Variants in ATP9A observed in about 807,000 individuals in gnomAD.
ATP9A encodes the protein probable phospholipid-transporting ATPase IIA.
A neutral mutation model predicts 144.1 loss-of-function variants in ATP9A; 52 were observed. That is an observed-to-expected ratio of 0.36 (90% CI 0.29 to 0.45). The LOEUF is 0.45. ATP9A is among the 20% of genes least tolerant of loss of function. ATP9A has a pLI of 1.00. For missense variants in ATP9A, 947 were observed against 1,392.7 expected, an observed-to-expected ratio of 0.68 and a Z score of 5.09; for synonymous variants, 582 against 557.4, an observed-to-expected ratio of 1.04 and a Z score of -0.62.
chr20:51,739,070 CAG>C (rs1438930581), intron 1 of ATP9A, among the ~76,000 whole-genome samples: 1 of 152,160 alleles, frequency 6.6e-6, no homozygotes, highest in Non-Finnish European at 1.5e-5. Flanking sequence ...CCCTGGGTGA[CAG>C]AGCAACACTC....
intron 13 of ATP9A, among the ~76,000 whole-genome samples, chr20:51,662,428 C>A (rs892364287): frequency 2.6e-5 from 4 of 151,704 alleles, no homozygotes; most frequent in South Asian, 4.2e-4. Context: ...GCCTGTAATC[C>A]CAGCTACTCG....
intron 1 of ATP9A, among the ~76,000 whole-genome samples, chr20:51,741,670 A>G (rs1035946724): frequency 3.3e-5 from 5 of 152,348 alleles, no homozygotes; most frequent in African/African-American, 1.2e-4. Context: ...CCATTTTCAT[A>G]CACACATGGG....
intron 3 of ATP9A, among the ~76,000 whole-genome samples, chr20:51,715,432 T>C (rs533604646): frequency 6.6e-6 from 1 of 152,296 alleles, no homozygotes; most frequent in Admixed American, 6.5e-5. Context: ...TGCTGCTATT[T>C]TGTTGTTCTG....
Position 51,619,001 on chromosome 20 carries a change from G to A in ATP9A, c.2158C>T (p.Arg720Cys), listed in dbSNP as rs780469945. ...ACCAGGGCACAATCATGCTTCCTGC[G>A]GAAGGCGTTCAGCTCGAGGTGAGCC... The part of the protein sequence containing the change: ...GEAHLELNAF[R>C]RKHDCALVIS... Residue 720 changes from arginine (R) to cysteine (C), a missense_variant, in exon 20 of 28, where the codon CGC becomes TGC. Around this residue, in one of 2 missense-constraint regions of ATP9A, gnomAD observed 770 missense variants for 1,047.9 expected, o/e 0.73. Transcript: ENST00000338821. The A allele has an allele frequency of 1.4e-5, 23 of 1,614,010 alleles. No individual in the cohort carries two copies. Among genetic ancestry groups the A allele is most frequent in the African/African-American group, 8.0e-5 (6 of 74,906 alleles).
chr20:51,644,116 C>T (rs1432885402), intron 14 of ATP9A, among the ~76,000 whole-genome samples: 1 of 151,756 alleles, frequency 6.6e-6, no homozygotes, highest in African/African-American at 2.4e-5. Flanking sequence ...GCCTGAGCAA[C>T]AGAACAAGAC....
At chr20:51,635,917 T>C (rs929178004) in intron 15 of ATP9A, among the ~76,000 whole-genome samples, 2 of 150,558 alleles carry the variant, frequency 1.3e-5, no homozygotes, top group Non-Finnish European at 1.5e-5. Flanking sequence ...GGAACTTCCT[T>C]ACTCCAGGGA....
intron 8 of ATP9A, among the ~76,000 whole-genome samples, chr20:51,690,249 T>G (rs2122817327): frequency 6.7e-6 from 1 of 149,082 alleles, no homozygotes; most frequent in East Asian, 2.0e-4. Context: ...TGAAAACCCG[T>G]CTCTACTAAA....
chr20:51,735,549 G>A (rs756673070), intron 1 of ATP9A, among the ~76,000 whole-genome samples: 1 of 152,144 alleles, frequency 6.6e-6, no homozygotes, highest in Non-Finnish European at 1.5e-5. Flanking sequence ...TACTATTCTA[G>A]GTCCTCTGGG....
In ATP9A at chr20:51,713,007, T is replaced by C; in HGVS notation, c.395A>G (p.Lys132Arg). ...GCTGTAGACCTGGGAGTTGACTTCCTTGTCCCGCACGTAGCATCGGATCTC... is the reference window on the plus strand; with the variant it reads ...GCTGTAGACCTGGGAGTTGACTTCCCTGTCCCGCACGTAGCATCGGATCTC... ...VEEIRCYVRDKEVNSQVYSRL... is the reference protein window; with the variant it reads ...VEEIRCYVRDREVNSQVYSRL... Residue 132 changes from lysine to arginine, a missense_variant, in exon 4 of 28, where the codon AAG becomes AGG. Lys to Arg is a conservative substitution (Grantham distance 26). Transcript: ENST00000338821. 2 of 1,613,212 alleles carry C rather than the reference T, an allele frequency of 1.2e-6. No homozygotes were observed. Among genetic ancestry groups the C allele is most frequent in the Non-Finnish European group, 1.7e-6 (2 of 1,179,632 alleles).
At chr20:51,650,656 G>C (rs1171291515) in intron 14 of ATP9A, among the ~76,000 whole-genome samples, 1 of 152,148 alleles carries the variant, frequency 6.6e-6, no homozygotes, top group Non-Finnish European at 1.5e-5. Flanking sequence ...GGGTGTCGCA[G>C]AGGAAGAAGC....
intron 3 of ATP9A, among the ~76,000 whole-genome samples, chr20:51,720,812 C>T (rs1479958900): frequency 2.0e-5 from 3 of 152,030 alleles, no homozygotes; most frequent in South Asian, 2.1e-4. Context: ...CCAATCTAGG[C>T]GACACAGCGA....
intron 1 of ATP9A, among the ~76,000 whole-genome samples, chr20:51,765,168 C>A (rs118112362): frequency 1.3e-5 from 2 of 152,156 alleles, no homozygotes; most frequent in Non-Finnish European, 2.9e-5. Flanking sequence ...TTAGCCCTCA[C>A]GCTGCCATCC....
chr20:51,642,522 G>A (rs773904202), intron 14 of ATP9A, among the ~76,000 whole-genome samples: 34 of 151,758 alleles, frequency 2.2e-4, no homozygotes, highest in Admixed American at 2.2e-3. Context: ...GGTGGACATG[G>A]GATGAGGGTC....
At chr20:51,703,872 T>C (rs993152843) in intron 4 of ATP9A, among the ~76,000 whole-genome samples, 3 of 152,012 alleles carry the variant, frequency 2.0e-5, no homozygotes, top group Non-Finnish European at 4.4e-5. Flanking sequence ...TGTAGATCTC[T>C]AACAACAATC....
chr20:51,604,631 G>A (rs191813961), intron 27 of ATP9A, among the ~76,000 whole-genome samples, 186 bp downstream of exon 27: 2 of 152,140 alleles, frequency 1.3e-5, no homozygotes, highest in Non-Finnish European at 2.9e-5. Context: ...CACACCCTGA[G>A]GCACAACTAC....
intron 1 of ATP9A, among the ~76,000 whole-genome samples, chr20:51,744,187 A>G (rs1191613574): frequency 6.6e-6 from 1 of 152,006 alleles, no homozygotes; most frequent in Non-Finnish European, 1.5e-5. Flanking sequence ...TGTTTTTGAG[A>G]CAGGGTCTCA....
intron 9 of ATP9A, among the ~76,000 whole-genome samples, chr20:51,687,775 A>AAATGAATG (rs1555836823): frequency 5.4e-5 from 8 of 147,454 alleles, no homozygotes; most frequent in African/African-American, 1.8e-4. Flanking sequence ...AAAAAAAAAA[A>AAATGAATG]AATGAATGAA....
At chr20:51,697,235 T>TTGTG (rs750334118) in intron 5 of ATP9A, among the ~76,000 whole-genome samples, 189 bp downstream of exon 5, 1 of 139,670 alleles carries the variant, frequency 7.2e-6, no homozygotes, top group Non-Finnish European at 1.6e-5. Context: ...GAAAAAATAT[T>TTGTG]TGTGTGTGTG....
At chr20:51,631,309 C>CT (rs1328429408) in intron 15 of ATP9A, among the ~76,000 whole-genome samples, 1 of 152,202 alleles carries the variant, frequency 6.6e-6, no homozygotes, top group Non-Finnish European at 1.5e-5. Context: ...CAACTGCACA[C>CT]TTTATCTCTG....
Sources: gnomAD v4.1 joint callset for allele counts (sites outside exome capture counted in the v4.1 genomes callset) on GRCh38, gnomAD v4.1.1 for gene constraint, gnomAD v4.1.1 regional missense constraint, MANE v1.5 for transcripts, NCBI Gene and HGNC (gene_info 2026-07-23, HGNC 2026-07-21) for gene names.